The following CCDC125 variants were observed in gnomAD, a reference collection of about 807,000 sequenced individuals.
CCDC125 encodes coiled-coil domain containing 125, also known as coiled-coil domain-containing protein 125.
Under a neutral mutation model 57.4 loss-of-function variants are expected in CCDC125, and 43 were observed. The ratio of observed to expected loss-of-function variants is 0.75; its 90% confidence interval spans 0.59 to 0.97. The LOEUF is 0.97. Ranked by LOEUF, CCDC125 falls within the 50% of genes least tolerant of loss-of-function variation. CCDC125 has a pLI of 0.00. For missense variants in CCDC125, 563 were observed against 595.7 expected, an observed-to-expected ratio of 0.95 and a Z score of 0.57; for synonymous variants, 187 against 195.2, an observed-to-expected ratio of 0.96 and a Z score of 0.35.
chr5:69,294,178 A>T, intron 9 of CCDC125: 1 of 972,080 alleles, frequency 1.0e-6, no homozygotes, highest in South Asian at 4.8e-5. Context: ...TTTAAGCATA[A>T]ATGTACATTT....
In CCDC125 at chr5:69,285,298, G is replaced by C. The variant is rs184312887; in HGVS notation, c.1230+39C>G. ...ACGGACCGTGGGTTGGACAAGCTTG[G>C]CTTAACCATAACCTGCAAAAAAAAG... On this transcript the variant is annotated intron_variant, in intron 11 of 11. Coordinates refer to ENST00000396496, the MANE Select transcript of CCDC125 (RefSeq NM_176816.5). The C allele has an allele frequency of 8.4e-5, 135 of 1,605,292 alleles. 1 individual carries two copies. The East Asian group carries it at 2.7e-3, about 32-fold the overall frequency.
intron 1 of CCDC125, among the ~76,000 whole-genome samples, chr5:69,326,676 G>A (rs1397158768): frequency 2.0e-5 from 3 of 152,144 alleles, no homozygotes; most frequent in Admixed American, 6.6e-5. Context: ...TCATGGGTAC[G>A]CCTTCCTGCT....
Position 69,314,010 on chromosome 5 carries a change from C to T in CCDC125, c.341G>A (p.Arg114Lys), listed in dbSNP as rs1341195326. 2.5e-6 allele frequency: 4 copies of T among 1,610,102 alleles called. No homozygotes were observed. The highest frequency in any genetic ancestry group is 3.4e-6 in the Non-Finnish European group (4 of 1,176,396). ...CTCTAAAGTTTCATTAAGACATTGC[C>T]TTAATTCTTCATTTGACAATTCTGA... ...SNSELSNEEL[R>K]QCLNETLEEV... Residue 114 changes from arginine (R) to lysine (K), a missense_variant, in exon 3 of 12, where the codon AGG (arginine) becomes AAG (lysine). Coordinates refer to ENST00000396496, the MANE Select transcript of CCDC125 (RefSeq NM_176816.5).
intron 9 of CCDC125, among the ~76,000 whole-genome samples, chr5:69,292,846 T>C (rs563572349): frequency 4.0e-5 from 6 of 151,850 alleles, no homozygotes; most frequent in African/African-American, 9.7e-5. Context: ...TCTTCTTCTT[T>C]TTTTTTTTTC....
At chr5:69,309,936 G>T (rs1020027539) in intron 4 of CCDC125, 2 of 152,212 alleles carry the variant, frequency 1.3e-5, no homozygotes, top group African/African-American at 4.8e-5. Context: ...AAATTTGACT[G>T]CCCTGCTGGA....
intron 9 of CCDC125, among the ~76,000 whole-genome samples, chr5:69,293,647 CAA>C (rs10548889): frequency 1.5e-5 from 2 of 131,566 alleles, no homozygotes; most frequent in Non-Finnish European, 1.6e-5. Flanking sequence ...GAATCCGTCT[CAA>C]AAAAAAAAAA....
At chr5:69,298,939 C>A (rs149312076) in intron 8 of CCDC125, among the ~76,000 whole-genome samples, 1 of 152,308 alleles carries the variant, frequency 6.6e-6, no homozygotes, top group Non-Finnish European at 1.5e-5. Flanking sequence ...CCCGCAATGC[C>A]TCTGTTACCT....
intron 4 of CCDC125, 171 bp downstream of exon 4, chr5:69,310,947 C>A: frequency 2.4e-6 from 1 of 418,170 alleles, no homozygotes; most frequent in Non-Finnish European, 4.3e-6. Context: ...TTGTAGTGTA[C>A]ATTTACATGT....
chr5:69,310,707 C>T (rs1387929868), intron 4 of CCDC125: 1 of 155,908 alleles, frequency 6.4e-6, no homozygotes, highest in Non-Finnish European at 1.4e-5. Flanking sequence ...ACCTCTAAAA[C>T]ATGCTAACTA....
chr5:69,301,841 G>C (rs1191004954), intron 7 of CCDC125, among the ~76,000 whole-genome samples: 1 of 151,814 alleles, frequency 6.6e-6, no homozygotes, highest in Non-Finnish European at 1.5e-5. Context: ...AGGTCACAGT[G>C]AGCCAAGATT....
chr5:69,287,673 G>A (rs530747722), intron 10 of CCDC125, among the ~76,000 whole-genome samples: 2 of 151,262 alleles, frequency 1.3e-5, no homozygotes, highest in Admixed American at 6.6e-5. Context: ...AGGCTCAAGC[G>A]ATCCTCCCAC....
At chr5:69,289,873 A>AG (rs1754113490) in intron 10 of CCDC125, among the ~76,000 whole-genome samples, 1 of 152,090 alleles carries the variant, frequency 6.6e-6, no homozygotes, top group East Asian at 1.9e-4. Context: ...AAAAAAAAAA[A>AG]AAAAAAAGCT....
chr5:69,330,192 G>T (rs920806744), intron 1 of CCDC125, among the ~76,000 whole-genome samples: 20 of 152,106 alleles, frequency 1.3e-4, no homozygotes, highest in African/African-American at 4.8e-4. Flanking sequence ...GTCCTCTAAG[G>T]CTCTTTTTCT....
downstream of CCDC125, chr5:69,276,437 A>G (rs1427023644): frequency 2.1e-6 from 2 of 934,868 alleles, no homozygotes; most frequent in African/African-American, 1.7e-5. Context: ...GAATGAGGGC[A>G]TTCACATAGT....
chr5:69,277,630 C>T (rs1308030106), downstream of CCDC125, among the ~76,000 whole-genome samples: 2 of 151,880 alleles, frequency 1.3e-5, no homozygotes, highest in Non-Finnish European at 2.9e-5. Context: ...ATTAGCTGGG[C>T]GTGGTGGTGG....
At chr5:69,312,418 T>G (rs1172910084) in intron 3 of CCDC125, among the ~76,000 whole-genome samples, 2 of 152,170 alleles carry the variant, frequency 1.3e-5, no homozygotes, top group Non-Finnish European at 2.9e-5. Context: ...ATACAGTAGC[T>G]TTCACGGGAA....
intron 8 of CCDC125, among the ~76,000 whole-genome samples, chr5:69,296,762 G>A (rs956586957): frequency 2.0e-5 from 3 of 152,118 alleles, no homozygotes; most frequent in South Asian, 2.1e-4. Context: ...TCAGAAGTTC[G>A]AGACCAGCCT....
Position 69,300,160 on chromosome 5 carries a change from T to G in CCDC125, c.701-33A>C, listed in dbSNP as rs761701764. 13 of 1,504,168 alleles carry G rather than the reference T, an allele frequency of 8.6e-6. No homozygotes were observed. The African/African-American group carries it at 1.4e-4, about 16-fold the overall frequency. 93.2% of individuals were successfully genotyped at this position (1,504,168 alleles called of 1,614,324 possible). A position where few individuals can be genotyped will look rare whatever the true frequency, so the allele number is the denominator to read the frequency against. On this transcript the variant is annotated intron_variant, in intron 7 of 11. Coordinates refer to ENST00000396496, the MANE Select transcript of CCDC125 (RefSeq NM_176816.5). The stretch of plus-strand genomic sequence containing the variant: ...GGGCCATATGAGAAAGTATTCATTA[T>G]GAAGCCTAACTCCACCCTCATCCAA...
chr5:69,327,497 G>A (rs1760890155), intron 1 of CCDC125, among the ~76,000 whole-genome samples: 1 of 152,164 alleles, frequency 6.6e-6, no homozygotes, highest in Admixed American at 6.5e-5. Flanking sequence ...GAAAATATTT[G>A]AAGTCACTAA....
Sources: allele counts gnomAD v4.1 joint callset (sites outside exome capture counted in the v4.1 genomes callset), GRCh38; gene constraint gnomAD v4.1.1; transcripts MANE v1.5; gene names NCBI Gene and HGNC (gene_info 2026-07-23, HGNC 2026-07-21).